The following ATR variants were observed in gnomAD, a reference collection of about 807,000 sequenced individuals.
ATR encodes ATR checkpoint kinase, also known as serine/threonine-protein kinase ATR.
A neutral mutation model predicts 305.3 loss-of-function variants in ATR; 142 were observed. The ratio of observed to expected loss-of-function variants is 0.47; its 90% confidence interval spans 0.41 to 0.53. ATR has a LOEUF of 0.53. Ranked by LOEUF, ATR falls within the 20% of genes least tolerant of loss-of-function variation. ATR has a pLI of 0.00. For missense variants in ATR, 2,135 were observed against 3,133.1 expected (o/e 0.68, Z 7.60); for synonymous variants, 1,050 against 1,068.1 (o/e 0.98, Z 0.33).
chr3:142,501,276 A>G (rs1241799769), intron 30 of ATR, among the ~76,000 whole-genome samples: 1 of 101,356 alleles, frequency 9.9e-6, no homozygotes, highest in South Asian at 2.6e-4. Flanking sequence ...TGACACCCCA[A>G]TTTGAGCCAT....
rs143475912 is a variant in ATR, at chr3:142,552,669, CA to C, written c.2805+557del. 2.4e-3 allele frequency among the ~76,000 whole-genome samples: 221 copies of C among 93,298 alleles called. 1 individual carries two copies. Among genetic ancestry groups the C allele is most frequent in the East Asian group, 0.011 (34 of 3,066 alleles). The allele number at this position is 93,298 out of a possible 152,430, so 61.2% of individuals were successfully genotyped here. On this transcript the variant is annotated intron_variant, in intron 13 of 46. Coordinates refer to ENST00000350721, the MANE Select transcript of ATR (RefSeq NM_001184.4). Reference sequence around the variant, plus strand: ...TGGACAACAGAGCAATACTCCATCTCAAAAAAAAAAAAAAAAAAGCAAAGTC... The same window carrying C: ...TGGACAACAGAGCAATACTCCATCTCAAAAAAAAAAAAAAAAAGCAAAGTC...
At chr3:142,499,201 C>T in intron 31 of ATR, 1 of 360,824 alleles carries the variant, frequency 2.8e-6, no homozygotes, top group South Asian at 2.4e-5. Context: ...CTACTTTGAA[C>T]AACTAAACAA....
At chr3:142,564,320 C>T (rs2034987642) in intron 3 of ATR, among the ~76,000 whole-genome samples, 1 of 151,264 alleles carries the variant, frequency 6.6e-6, no homozygotes, top group East Asian at 1.9e-4. Context: ...ACTTTGGAGT[C>T]AGACAGGCAA....
chr3:142,504,467 CTT>C (rs779893116), intron 29 of ATR, among the ~76,000 whole-genome samples: 2 of 143,610 alleles, frequency 1.4e-5, no homozygotes, highest in Admixed American at 7.0e-5. Flanking sequence ...TGGAAGGGAC[CTT>C]TTTTTTTTTT....
At chr3:142,546,138 C>T (rs1577672072) in intron 16 of ATR, among the ~76,000 whole-genome samples, 2 of 152,142 alleles carry the variant, frequency 1.3e-5, no homozygotes, top group African/African-American at 4.8e-5. Flanking sequence ...ACCACTAGAA[C>T]AGAGGGTAGG....
chr3:142,470,405 C>G (rs2071233813), intron 36 of ATR, among the ~76,000 whole-genome samples: 1 of 152,114 alleles, frequency 6.6e-6, no homozygotes, highest in African/African-American at 2.4e-5. Context: ...TTTCCACTTA[C>G]AGTATACAGA....
chr3:142,559,868 C>T (rs955491437), intron 6 of ATR, among the ~76,000 whole-genome samples: 2 of 152,178 alleles, frequency 1.3e-5, no homozygotes, highest in African/African-American at 4.8e-5. Context: ...TGTGCACCAG[C>T]CTGGGAGACA....
At position 142,549,611 on chromosome 3, in the gene ATR, G is replaced by A; in HGVS notation, c.3039C>T (p.Leu1013=). The change falls in exon 15 of 47, where the codon CTC becomes CTT. Residue 1013 remains leucine (L), a synonymous_variant. Transcript: ENST00000350721. ...AAKASPAASA[L]IRTLGKQLNV... The stretch of plus-strand genomic sequence containing the variant: ...TTAATTGTTTTCCTAAAGTTCGAAT[G>A]AGAGCAGAAGCTGCAGGGCTTGCTT... 1.2e-6 allele frequency: 2 copies of A among 1,613,566 alleles called. No homozygotes were observed. The highest frequency in any genetic ancestry group is 1.7e-4 in the Middle Eastern group (1 of 6,058).
At chr3:142,558,978 C>G (rs2108478550) in intron 7 of ATR, 1 of 635,266 alleles carries the variant, frequency 1.6e-6, no homozygotes, top group East Asian at 2.9e-5. Flanking sequence ...GTTATCTATG[C>G]CTGTTTTAAA....
intron 36 of ATR, among the ~76,000 whole-genome samples, chr3:142,474,436 T>C (rs1239568132): frequency 1.3e-5 from 2 of 152,188 alleles, no homozygotes; most frequent in Non-Finnish European, 2.9e-5. Context: ...GTTTTCATTG[T>C]ATAGGTCTTT....
intron 42 of ATR, among the ~76,000 whole-genome samples, chr3:142,460,156 T>C (rs1265532200): frequency 1.3e-5 from 2 of 152,134 alleles, no homozygotes; most frequent in Non-Finnish European, 2.9e-5. Flanking sequence ...GTAAGTTCTC[T>C]GGCACTGTCC....
At chr3:142,524,664 A>C (rs1054436130) in intron 21 of ATR, among the ~76,000 whole-genome samples, 1 of 152,242 alleles carries the variant, frequency 6.6e-6, no homozygotes, top group African/African-American at 2.4e-5. Flanking sequence ...AGCAACTATT[A>C]GGTTAAAACA....
chr3:142,490,800 T>C (rs1295519135), intron 35 of ATR, among the ~76,000 whole-genome samples: 1 of 152,158 alleles, frequency 6.6e-6, no homozygotes, highest in South Asian at 2.1e-4. Flanking sequence ...CATATAGAAA[T>C]AAAATCATCA....
chr3:142,501,351 T>A (rs940173406), intron 30 of ATR, among the ~76,000 whole-genome samples: 1 of 152,180 alleles, frequency 6.6e-6, no homozygotes, highest in African/African-American at 2.4e-5. Context: ...GAGAAACATA[T>A]CCACAACATA....
chr3:142,466,229 A>G (rs563566287), intron 40 of ATR, 95 bp downstream of exon 40: 3 of 1,316,420 alleles, frequency 2.3e-6, no homozygotes, highest in South Asian at 2.5e-5. Flanking sequence ...CACAAATAAG[A>G]TTCACGTAGA....
chr3:142,466,204 C>T, intron 40 of ATR, 120 bp downstream of exon 40: 2 of 1,168,712 alleles, frequency 1.7e-6, no homozygotes, highest in Non-Finnish European at 2.4e-6. Context: ...TTCTGTATTT[C>T]CAATTATTTT....
chr3:142,451,943 T>C (rs2070800525), intron 46 of ATR: 4 of 1,211,502 alleles, frequency 3.3e-6, no homozygotes, highest in Non-Finnish European at 3.1e-6. Context: ...ACAAGCCAAG[T>C]ATATCTATCA....
intron 14 of ATR, 151 bp from the exon 15 acceptor site, chr3:142,549,824 A>G (rs1159016203): frequency 2.6e-6 from 2 of 766,180 alleles, no homozygotes; most frequent in Non-Finnish European, 4.2e-6. Context: ...CATTTATACC[A>G]CTATAATTTT....
In ATR at chr3:142,566,145, G is replaced by A. The variant is rs28897763; in HGVS notation, c.268C>T (p.His90Tyr). Residue 90 changes from histidine (H) to tyrosine (Y), a missense_variant, in exon 3 of 47, where the codon CAT (histidine) becomes TAT (tyrosine). Transcript: ENST00000350721. ...PLMFVNVSGS[H>Y]EAKGSCIEFS... Reference sequence around the variant, plus strand: ...CCAATACAACTGCCTTTGGCCTCATGGCTTCCACTCACATTTACAAACATA... The same window carrying A: ...CCAATACAACTGCCTTTGGCCTCATAGCTTCCACTCACATTTACAAACATA... The A allele has an allele frequency of 6.1e-3, 9,766 of 1,614,130 alleles. 142 individuals carry two copies. Among genetic ancestry groups the A allele is most frequent in the Non-Finnish European group, 4.9e-3 (5,772 of 1,180,018 alleles).
Sources: allele counts gnomAD v4.1 joint callset (sites outside exome capture counted in the v4.1 genomes callset), GRCh38; gene constraint gnomAD v4.1.1; transcripts MANE v1.5; gene names NCBI Gene and HGNC (gene_info 2026-07-23, HGNC 2026-07-21).